Variants in MACROD1 observed in about 807,000 individuals in gnomAD.
The protein encoded by MACROD1 is mono-ADP ribosylhydrolase 1.
A neutral mutation model predicts 41.4 loss-of-function variants in MACROD1; 31 were observed. That is an observed-to-expected ratio of 0.75 (90% CI 0.56 to 1.01). The LOEUF is 1.01. Among genes scored for constraint, MACROD1 ranks in the 50% least tolerant of loss-of-function variants. MACROD1 has a pLI of 0.00. For synonymous variants in MACROD1, 252 were observed against 203.4 expected, an observed-to-expected ratio of 1.24 and a Z score of -2.03; for missense variants, 473 against 460.0, an observed-to-expected ratio of 1.03 and a Z score of -0.26.
intron 3 of MACROD1, among the ~76,000 whole-genome samples, chr11:64,095,615 C>T (rs947477414): frequency 2.6e-5 from 4 of 152,154 alleles, no homozygotes; most frequent in African/African-American, 9.7e-5. Flanking sequence ...GAAGGAAAGG[C>T]GGCTTCCCCC....
chr11:64,149,749 G>A (rs1009151911), intron 3 of MACROD1, among the ~76,000 whole-genome samples: 1 of 152,222 alleles, frequency 6.6e-6, no homozygotes, highest in Non-Finnish European at 1.5e-5. Context: ...CCACTGGCCT[G>A]CCTGACTGCC....
At chr11:64,164,939 C>G (rs1218456928) in intron 1 of MACROD1, among the ~76,000 whole-genome samples, 2 of 151,774 alleles carry the variant, frequency 1.3e-5, no homozygotes, top group African/African-American at 4.8e-5. Context: ...GACTCATGCC[C>G]CCTCCAGGAG....
Position 64,165,738 on chromosome 11 carries a change from T to A in MACROD1, c.257A>T (p.Lys86Met), listed in dbSNP as rs546949501. ...RTWAPLAMAA[K>M]VDLSTSTDWK... ...GTCGGTGGAGGTGCTCAGGTCCACCTTCGCCGCCATGGCCAGGGGGGCCCA... is the reference window on the plus strand; with the variant it reads ...GTCGGTGGAGGTGCTCAGGTCCACCATCGCCGCCATGGCCAGGGGGGCCCA... Residue 86 changes from lysine (K) to methionine (M), a missense_variant, in exon 1 of 11, where the codon AAG (lysine) becomes ATG (methionine). By Grantham distance (95) the Lys-to-Met change is moderately conservative. Coordinates refer to ENST00000255681, the MANE Select transcript of MACROD1 (RefSeq NM_014067.4). 53 of 1,497,566 alleles carry A rather than the reference T, an allele frequency of 3.5e-5. No individual in the cohort carries two copies. The South Asian group carries it at 6.7e-4, about 19-fold the overall frequency. The allele number at this position is 1,497,566 out of a possible 1,614,324, so 92.8% of individuals were successfully genotyped here.
chr11:64,071,406 CG>C (rs1565219204), intron 3 of MACROD1, among the ~76,000 whole-genome samples: 1 of 152,178 alleles, frequency 6.6e-6, no homozygotes, highest in Non-Finnish European at 1.5e-5. Flanking sequence ...ATGAAACTCA[CG>C]GATGGAGACC....
chr11:64,023,217 G>T (rs1218415366), intron 3 of MACROD1, among the ~76,000 whole-genome samples: 1 of 152,030 alleles, frequency 6.6e-6, no homozygotes, highest in Non-Finnish European at 1.5e-5. Flanking sequence ...ACTTACAGAT[G>T]GGGAAACTGA....
intron 3 of MACROD1, among the ~76,000 whole-genome samples, chr11:64,045,515 C>T (rs959843003): frequency 1.3e-5 from 2 of 152,156 alleles, no homozygotes; most frequent in African/African-American, 4.8e-5. Flanking sequence ...GGGGGCTCTA[C>T]CACCCCTATC....
intron 3 of MACROD1, among the ~76,000 whole-genome samples, chr11:64,089,603 A>C (rs1439577564): frequency 6.6e-6 from 1 of 152,112 alleles, no homozygotes; most frequent in African/African-American, 2.4e-5. Context: ...ACTTGGGGAG[A>C]CTGTTCTCAG....
rs111444269 is a variant in MACROD1 at position 64,036,785 on chromosome 11, T to C, written c.518-21504A>G. 6.6e-6 allele frequency among the ~76,000 whole-genome samples: 1 copy of C among 151,956 alleles called. No homozygotes were observed. Among genetic ancestry groups the C allele is most frequent in the Non-Finnish European group, 1.5e-5 (1 of 67,918 alleles). On this transcript the variant is annotated intron_variant, in intron 3 of 10. Transcript: ENST00000255681. This position sits in a 1 kb window ranked among gnomAD's most constrained non-coding sequence, Gnocchi z 5.6. Reference sequence around the variant, plus strand: ...CCTGGCGGCTGGAACGGTGAGACCATGGTGCCTGGGCGGGGGGCGGCGGGC... The same window carrying C: ...CCTGGCGGCTGGAACGGTGAGACCACGGTGCCTGGGCGGGGGGCGGCGGGC...
rs567861902 is a variant in MACROD1, at chr11:64,001,306, C to G, written c.548-963G>C. 2.8e-5 allele frequency: 18 copies of G among 638,920 alleles called. No individual in the cohort carries two copies. In the African/African-American group the frequency reaches 3.1e-4, roughly 11 times the overall value. 39.6% of individuals were successfully genotyped at this position (638,920 alleles called of 1,614,324 possible). ...TATCTGGAATACCGGGACAGCGACC[C>G]TCCCACAGAGGAAAACGCCGCGTGC... is the stretch of plus-strand genomic sequence containing the variant. On this transcript the variant is annotated intron_variant, in intron 4 of 10. Coordinates refer to ENST00000255681, the MANE Select transcript of MACROD1 (RefSeq NM_014067.4).
At chr11:64,063,008 C>T (rs982234883) in intron 3 of MACROD1, among the ~76,000 whole-genome samples, 1 of 152,212 alleles carries the variant, frequency 6.6e-6, no homozygotes, top group South Asian at 2.1e-4. Context: ...GCCCATCTTC[C>T]GAGCTGTGAG....
intron 1 of MACROD1, among the ~76,000 whole-genome samples, chr11:64,160,938 G>A (rs567283181): frequency 6.6e-5 from 10 of 152,156 alleles, no homozygotes; most frequent in South Asian, 6.2e-4. Flanking sequence ...TTGGGAGGCC[G>A]AGACAGGTAG....
At chr11:64,100,966 G>C (rs1013733978) in intron 3 of MACROD1, among the ~76,000 whole-genome samples, 2 of 152,166 alleles carry the variant, frequency 1.3e-5, no homozygotes, top group African/African-American at 2.4e-5. Flanking sequence ...AGCAGATGGA[G>C]AGTTTGGTGG....
At chr11:64,162,463 C>A (rs1446057716) in intron 1 of MACROD1, among the ~76,000 whole-genome samples, 2 of 152,112 alleles carry the variant, frequency 1.3e-5, no homozygotes, top group African/African-American at 4.8e-5. Flanking sequence ...GATTACACCA[C>A]TGCACTTCAG....
At chr11:64,042,089 G>A (rs140174526) in intron 3 of MACROD1, among the ~76,000 whole-genome samples, 167 of 152,268 alleles carry the variant, frequency 1.1e-3, no homozygotes, top group African/African-American at 3.7e-3. Flanking sequence ...GGAAGGTGGC[G>A]GTGGCCCAGT....
intron 4 of MACROD1, among the ~76,000 whole-genome samples, chr11:64,005,773 G>A (rs1942900922): frequency 1.3e-5 from 2 of 152,246 alleles, no homozygotes; most frequent in South Asian, 4.1e-4. Flanking sequence ...CCCAGGGACT[G>A]GCTGCACTGC....
chr11:64,065,653 G>T (rs1469658118), intron 3 of MACROD1, among the ~76,000 whole-genome samples: 2 of 152,112 alleles, frequency 1.3e-5, no homozygotes, highest in African/African-American at 4.8e-5. Flanking sequence ...AGCCAGGCAT[G>T]GTGGCGGCCG....
intron 1 of MACROD1, among the ~76,000 whole-genome samples, chr11:64,161,647 C>T (rs1174839815): frequency 6.6e-6 from 1 of 152,220 alleles, no homozygotes; most frequent in Non-Finnish European, 1.5e-5. Context: ...TTAAAAAATA[C>T]ACTTGGCCAG....
chr11:64,078,243 G>C (rs1253730817), intron 3 of MACROD1, among the ~76,000 whole-genome samples: 1 of 152,184 alleles, frequency 6.6e-6, no homozygotes, highest in Non-Finnish European at 1.5e-5. Context: ...CCAGAAGGGA[G>C]GTGGGCAGGT....
chr11:64,121,334 C>T (rs373588860), intron 3 of MACROD1, among the ~76,000 whole-genome samples: 2 of 152,234 alleles, frequency 1.3e-5, no homozygotes, highest in African/African-American at 2.4e-5. Context: ...CCTGCCTCAT[C>T]GTGGGGATCA....
Sources: allele counts gnomAD v4.1 joint callset (sites outside exome capture counted in the v4.1 genomes callset), GRCh38; gene constraint gnomAD v4.1.1; non-coding constraint Gnocchi (gnomAD v3.1); transcripts MANE v1.5; gene names NCBI Gene and HGNC (gene_info 2026-07-23, HGNC 2026-07-21).